The following FHIT variants were observed in gnomAD, a reference collection of about 807,000 sequenced individuals.
FHIT encodes the protein fragile histidine triad diadenosine triphosphatase.
A neutral mutation model predicts 17.9 loss-of-function variants in FHIT; 19 were observed. That is an observed-to-expected ratio of 1.06 (90% CI 0.74 to 1.56). The LOEUF (loss-of-function observed/expected upper bound fraction) is 1.56. FHIT is among the 40% of genes most tolerant of loss of function. The pLI, the probability that FHIT is intolerant of heterozygous loss-of-function variation, is 0.00. For synonymous variants in FHIT, 81 were observed against 69.7 expected, an observed-to-expected ratio of 1.16 and a Z score of -0.81; for missense variants, 248 against 189.2, an observed-to-expected ratio of 1.31 and a Z score of -1.82.
intron 8 of FHIT, among the ~76,000 whole-genome samples, chr3:59,919,744 G>A (rs879216648): frequency 6.6e-6 from 1 of 152,128 alleles, no homozygotes; most frequent in African/African-American, 2.4e-5. Flanking sequence ...CACCCTCCAA[G>A]GCAGTCTGTT....
chr3:60,967,191 T>C (rs1709786941), intron 3 of FHIT, among the ~76,000 whole-genome samples: 1 of 152,228 alleles, frequency 6.6e-6, no homozygotes, highest in South Asian at 2.1e-4. Flanking sequence ...GTGCTCCCTG[T>C]TCCTGGCAGT....
chr3:60,219,496 C>T (rs1244450156), intron 5 of FHIT, among the ~76,000 whole-genome samples: 2 of 152,078 alleles, frequency 1.3e-5, no homozygotes, highest in Non-Finnish European at 2.9e-5. Flanking sequence ...TGACATCCTC[C>T]TGATTAAAAT....
intron 7 of FHIT, among the ~76,000 whole-genome samples, chr3:59,994,968 G>A (rs970482035): frequency 2.4e-4 from 36 of 152,088 alleles, no homozygotes; most frequent in African/African-American, 8.4e-4. Flanking sequence ...GTCAGTATAA[G>A]AAGGTGGTGG....
At chr3:60,693,014 C>T (rs990408040) in intron 4 of FHIT, among the ~76,000 whole-genome samples, 1 of 152,168 alleles carries the variant, frequency 6.6e-6, no homozygotes, top group Non-Finnish European at 1.5e-5. Context: ...ATTCTAGTTC[C>T]ACCAAACATC....
intron 8 of FHIT, among the ~76,000 whole-genome samples, chr3:59,841,541 G>C (rs1013038960): frequency 2.9e-4 from 44 of 152,168 alleles, no homozygotes; most frequent in Non-Finnish European, 6.3e-4. Flanking sequence ...CCACTGGCTT[G>C]GGTGAAGCTT....
intron 5 of FHIT, among the ~76,000 whole-genome samples, chr3:60,330,674 G>A (rs779154428): frequency 2.0e-5 from 3 of 152,180 alleles, no homozygotes. Flanking sequence ...CCTAAAAGAT[G>A]TATGTACAAG....
intron 7 of FHIT, among the ~76,000 whole-genome samples, chr3:59,973,632 C>A (rs1298411366): frequency 1.3e-5 from 2 of 152,066 alleles, no homozygotes; most frequent in African/African-American, 4.8e-5. Context: ...TAATTTCCTG[C>A]TATCCCACTA....
intron 8 of FHIT, among the ~76,000 whole-genome samples, chr3:59,760,242 A>G (rs1701439401): frequency 6.6e-6 from 1 of 152,200 alleles, no homozygotes; most frequent in African/African-American, 2.4e-5. Flanking sequence ...TTCAAGGGGT[A>G]TAGAGTGTTG....
At chr3:60,983,937 T>C (rs1710605242) in intron 3 of FHIT, among the ~76,000 whole-genome samples, 1 of 152,250 alleles carries the variant, frequency 6.6e-6, no homozygotes, top group African/African-American at 2.4e-5. Flanking sequence ...AAAAAAATTG[T>C]AATTCACACC....
At chr3:59,827,011 G>A (rs2106685926) in intron 8 of FHIT, among the ~76,000 whole-genome samples, 1 of 152,160 alleles carries the variant, frequency 6.6e-6, no homozygotes, top group South Asian at 2.1e-4. Context: ...ATATTTAATG[G>A]TAAAACTCAG....
intron 5 of FHIT, among the ~76,000 whole-genome samples, chr3:60,202,018 A>T (rs904305992): frequency 1.1e-4 from 16 of 152,204 alleles, no homozygotes; most frequent in African/African-American, 3.4e-4. Context: ...TACTCCAGGA[A>T]CAAAGAGGAG....
At chr3:60,387,419 A>G (rs1435351208) in intron 5 of FHIT, among the ~76,000 whole-genome samples, 1 of 152,206 alleles carries the variant, frequency 6.6e-6, no homozygotes, top group East Asian at 1.9e-4. Context: ...ACTGATCAAA[A>G]TAAATGTGAG....
chr3:59,956,572 C>T (rs1424334385), intron 7 of FHIT, among the ~76,000 whole-genome samples: 1 of 151,960 alleles, frequency 6.6e-6, no homozygotes, highest in Non-Finnish European at 1.5e-5. Flanking sequence ...GGAGGCTGAA[C>T]CAGGAGAATT....
At chr3:61,088,882 G>A (rs185340889) in intron 2 of FHIT, among the ~76,000 whole-genome samples, 226 of 152,246 alleles carry the variant, frequency 1.5e-3, no homozygotes, top group African/African-American at 2.8e-3. Context: ...GGAAAAAACC[G>A]AAATAAGTAG....
chr3:61,083,280 A>C (rs2035200611), intron 2 of FHIT, among the ~76,000 whole-genome samples: 1 of 152,158 alleles, frequency 6.6e-6, no homozygotes, highest in Non-Finnish European at 1.5e-5. Flanking sequence ...CAATTTTAGA[A>C]CATTCTAATC....
At chr3:60,826,200 AGG>A (rs1702115322) in intron 3 of FHIT, among the ~76,000 whole-genome samples, 1 of 144,064 alleles carries the variant, frequency 6.9e-6, no homozygotes, top group Admixed American at 6.8e-5. Context: ...GAAGGAAGGA[AGG>A]AAGGAAGGAA....
intron 5 of FHIT, among the ~76,000 whole-genome samples, chr3:60,105,449 G>A (rs1704367659): frequency 6.6e-6 from 1 of 152,164 alleles, no homozygotes; most frequent in Non-Finnish European, 1.5e-5. Flanking sequence ...TTGAGACTGA[G>A]ATATGTGTGG....
intron 2 of FHIT, among the ~76,000 whole-genome samples, chr3:61,132,006 G>A (rs765602387): frequency 2.4e-4 from 37 of 152,242 alleles, no homozygotes; most frequent in African/African-American, 7.7e-4. Context: ...GAAATACTTC[G>A]ATAAAACAAT....
At position 61,204,237 on chromosome 3, in the gene FHIT, C is replaced by T. The variant is rs1483784665; in HGVS notation, c.-212-3572G>A. 2.6e-5 allele frequency among the ~76,000 whole-genome samples: 4 copies of T among 152,048 alleles called. No homozygotes were observed. In the East Asian group the frequency reaches 7.7e-4, roughly 29 times the overall value. On this transcript the variant is annotated intron_variant, in intron 1 of 9. Transcript: ENST00000492590. ...TACACAGAATTCAGGCTATCTTTAT[C>T]TTGAGAGTGGGAGAGGAGATGGAAT...
Sources: allele counts gnomAD v4.1 joint callset (sites outside exome capture counted in the v4.1 genomes callset), GRCh38; gene constraint gnomAD v4.1.1; transcripts MANE v1.5; gene names NCBI Gene and HGNC (gene_info 2026-07-23, HGNC 2026-07-21).